The following SULF1 variants were observed in gnomAD, a reference collection of about 807,000 sequenced individuals.
SULF1 encodes sulfatase 1.
In SULF1, 46 loss-of-function variants were observed where a neutral mutation model predicts 110.5. The ratio of observed to expected loss-of-function variants is 0.42; its 90% confidence interval spans 0.33 to 0.53. SULF1 has a LOEUF of 0.53. SULF1 is among the 20% of genes least tolerant of loss of function. SULF1 has a pLI of 0.12. For missense variants in SULF1, 941 were observed against 1,094.2 expected, an observed-to-expected ratio of 0.86 and a Z score of 1.98; for synonymous variants, 371 against 387.1, an observed-to-expected ratio of 0.96 and a Z score of 0.49.
In SULF1 at chr8:69,564,144, C is replaced by T; in HGVS notation, c.169C>T (p.Leu57=). 1 of 1,614,078 alleles carries T rather than the reference C, an allele frequency of 6.2e-7. No homozygotes were observed. The highest frequency in any genetic ancestry group is 8.5e-7 in the Non-Finnish European group (1 of 1,179,982). The change falls in exon 5 of 23, where the codon CTG becomes TTG. Residue 57 remains leucine (L), a synonymous_variant. Transcript: ENST00000402687. ...LVLTDDQDVE[L]GSLQVMNKTR... ...GCTTACCGATGATCAAGATGTGGAGCTGGGTGAGACACTGGACTCTTCACT... is the reference window on the plus strand; with the variant it reads ...GCTTACCGATGATCAAGATGTGGAGTTGGGTGAGACACTGGACTCTTCACT...
chr8:69,532,506 G>C (rs1395471894), intron 3 of SULF1, among the ~76,000 whole-genome samples: 2 of 152,046 alleles, frequency 1.3e-5, no homozygotes, highest in Non-Finnish European at 2.9e-5. Context: ...TTTAATAACT[G>C]TTAGAAAGGT....
chr8:69,657,832 T>C (rs1812844389), intron 22 of SULF1, among the ~76,000 whole-genome samples: 1 of 152,210 alleles, frequency 6.6e-6, no homozygotes, highest in Non-Finnish European at 1.5e-5. Flanking sequence ...CCTGGAGATG[T>C]AGAAAGATCT....
chr8:69,591,374 G>GA (rs1418907437), intron 8 of SULF1, among the ~76,000 whole-genome samples: 1 of 151,840 alleles, frequency 6.6e-6, no homozygotes. Context: ...CTAACACTGT[G>GA]AAACACTGTC....
At chr8:69,604,147 C>T (rs1030539026) in intron 12 of SULF1, among the ~76,000 whole-genome samples, 12 of 152,130 alleles carry the variant, frequency 7.9e-5, no homozygotes, top group South Asian at 4.1e-4. Flanking sequence ...AAGAGAATGA[C>T]GACTCCACAT....
At chr8:69,510,561 G>A (rs1811482570) in intron 3 of SULF1, among the ~76,000 whole-genome samples, 1 of 151,260 alleles carries the variant, frequency 6.6e-6, no homozygotes, top group African/African-American at 2.4e-5. Flanking sequence ...CAAAAATCCA[G>A]TAATTCACAA....
At chr8:69,542,428 A>C (rs1183589574) in intron 3 of SULF1, among the ~76,000 whole-genome samples, 1 of 152,052 alleles carries the variant, frequency 6.6e-6, no homozygotes, top group African/African-American at 2.4e-5. Context: ...GTCATGATGG[A>C]GTGTTCTGTG....
intron 1 of SULF1, among the ~76,000 whole-genome samples, chr8:69,479,696 T>C (rs1563456776): frequency 6.6e-6 from 1 of 152,128 alleles, no homozygotes; most frequent in Non-Finnish European, 1.5e-5. Flanking sequence ...ACCTTAGAGA[T>C]CATCTAAGCA....
chr8:69,589,293 G>A (rs1050439210), intron 8 of SULF1, 152 bp downstream of exon 8: 11 of 768,344 alleles, frequency 1.4e-5, no homozygotes, highest in Non-Finnish European at 2.1e-5. Flanking sequence ...CACGGAACAG[G>A]CAGAGCCGCT....
rs12335132 is a variant in SULF1 at position 69,562,131 on chromosome 8, T to C, written c.-133-1408T>C. Among the ~76,000 whole-genome samples, 1,040 of 152,362 alleles carry C rather than the reference T, an allele frequency of 6.8e-3. 7 individuals carry two copies. The highest frequency in any genetic ancestry group is 0.023 in the African/African-American group (960 of 41,586). ...GTTTTGTTTAAAAACCGATTTCTTC[T>C]TGTCTCTTTCTCTCTCTTGCAGTAT... On this transcript the variant is annotated intron_variant, in intron 3 of 22. Coordinates refer to ENST00000402687, the MANE Select transcript of SULF1 (RefSeq NM_001128205.2).
At chr8:69,559,988 T>C (rs189123150) in intron 3 of SULF1, among the ~76,000 whole-genome samples, 20 of 152,338 alleles carry the variant, frequency 1.3e-4, no homozygotes, top group African/African-American at 4.3e-4. Context: ...ATTGCTTTTA[T>C]GCCATCTGTA....
chr8:69,480,269 C>A (rs1162348969), intron 1 of SULF1, among the ~76,000 whole-genome samples: 3 of 152,182 alleles, frequency 2.0e-5, no homozygotes, highest in Non-Finnish European at 4.4e-5. Flanking sequence ...AGCAGTGTGT[C>A]ATTTCTGTAC....
chr8:69,586,086 T>A (rs1806438681), intron 6 of SULF1, among the ~76,000 whole-genome samples: 1 of 152,152 alleles, frequency 6.6e-6, no homozygotes. Context: ...CCATAAGAAA[T>A]GAATGCACCC....
At chr8:69,501,144 A>G (rs753822567) in intron 2 of SULF1, among the ~76,000 whole-genome samples, 88 of 152,226 alleles carry the variant, frequency 5.8e-4, no homozygotes, top group Non-Finnish European at 8.1e-4. Context: ...TTACATGGGC[A>G]TGATCAATAT....
rs1016481268 is a variant in SULF1, at chr8:69,495,933, A to G, written c.-229+7A>G. On this transcript the variant is annotated splice_region_variant and intron_variant, in intron 2 of 22. Coordinates refer to ENST00000402687, the MANE Select transcript of SULF1 (RefSeq NM_001128205.2). ...GCATAATTGGAATGGAGAGGTGGGT[A>G]ACATTCGCAAATTTTTTAAAGATGA... The G allele has an allele frequency of 2.0e-5, 3 of 152,238 alleles. No individual in the cohort carries two copies. Among genetic ancestry groups the G allele is most frequent in the Non-Finnish European group, 4.4e-5 (3 of 68,040 alleles). 9.4% of individuals were successfully genotyped at this position (152,238 alleles called of 1,614,324 possible).
At chr8:69,607,630 C>G (rs988480987) in intron 13 of SULF1, among the ~76,000 whole-genome samples, 5 of 152,204 alleles carry the variant, frequency 3.3e-5, no homozygotes, top group African/African-American at 1.2e-4. Context: ...TCCCAAAGTG[C>G]TGGGATTACA....
intron 8 of SULF1, among the ~76,000 whole-genome samples, chr8:69,596,501 A>T (rs1235194758): frequency 6.6e-6 from 1 of 152,178 alleles, no homozygotes; most frequent in Non-Finnish European, 1.5e-5. Flanking sequence ...TGATGGGAAG[A>T]TATCTGATTG....
At chr8:69,536,380 T>C (rs1474506908) in intron 3 of SULF1, among the ~76,000 whole-genome samples, 1 of 152,234 alleles carries the variant, frequency 6.6e-6, no homozygotes, top group Non-Finnish European at 1.5e-5. Context: ...ATTTTGTTTA[T>C]ATTTTGTGTA....
At chr8:69,524,234 C>T (rs1019231353) in intron 3 of SULF1, among the ~76,000 whole-genome samples, 1 of 152,050 alleles carries the variant, frequency 6.6e-6, no homozygotes, top group Non-Finnish European at 1.5e-5. Flanking sequence ...ACGGTATGTT[C>T]ATCCATTCTT....
intron 19 of SULF1, among the ~76,000 whole-genome samples, chr8:69,633,949 G>T (rs1810781118): frequency 6.6e-6 from 1 of 152,054 alleles, no homozygotes; most frequent in African/African-American, 2.4e-5. Flanking sequence ...GGTTAATTTG[G>T]AAGATTTCTA....
Sources: gnomAD v4.1 joint callset for allele counts (sites outside exome capture counted in the v4.1 genomes callset) on GRCh38, gnomAD v4.1.1 for gene constraint, MANE v1.5 for transcripts, NCBI Gene and HGNC (gene_info 2026-07-23, HGNC 2026-07-21) for gene names.